The following SNX27 variants were observed in gnomAD, a reference collection of about 807,000 sequenced individuals.
SNX27 encodes sorting nexin-27.
In SNX27, 22 loss-of-function variants were observed where a neutral mutation model predicts 71.6. That is an observed-to-expected ratio of 0.31 (90% CI 0.22 to 0.44). The LOEUF is 0.44. Ranked by LOEUF, SNX27 falls within the 20% of genes least tolerant of loss-of-function variation. The pLI is 1.00. For synonymous variants in SNX27, 269 were observed against 277.2 expected, an observed-to-expected ratio of 0.97 and a Z score of 0.29; for missense variants, 531 against 698.6, an observed-to-expected ratio of 0.76 and a Z score of 2.70.
At chr1:151,633,124 A>G (rs1015374377) in intron 1 of SNX27, among the ~76,000 whole-genome samples, 3 of 151,962 alleles carry the variant, frequency 2.0e-5, no homozygotes, top group Admixed American at 1.3e-4. Context: ...TGCCCTCCTC[A>G]GCCTCCCAAA....
At chr1:151,633,426 A>T (rs1668333532) in intron 1 of SNX27, among the ~76,000 whole-genome samples, 2 of 152,040 alleles carry the variant, frequency 1.3e-5, no homozygotes, top group African/African-American at 4.8e-5. Context: ...GTCCCCAAGT[A>T]GCCAGGACTG....
In SNX27 at chr1:151,692,961, TGAA is replaced by T. The variant is rs769779788; in HGVS notation, c.1445_1447del (p.Glu482del). ...ATGAGATGCAGCGATGGGACACAGA[TGAA>T]GAAGGGATGGCCTTCTGTTTCGAAT... is the stretch of plus-strand genomic sequence containing the variant. On this transcript the variant is annotated inframe_deletion, in exon 10 of 12. Transcript: ENST00000458013. 6 of 1,614,066 alleles carry T rather than the reference TGAA, an allele frequency of 3.7e-6. No homozygotes were observed. In the African/African-American group the frequency reaches 4.0e-5, roughly 11 times the overall value.
chr1:151,668,497 TC>T lies in SNX27; in HGVS notation c.1013del (p.Pro338LeufsTer18). Reference protein sequence around the residue: ...FVRKLAPNEFPHKLYIQNYTS... With the variant: ...FVRKLAPNEFXHKLYIQNYTS... ...TACGTAAATTGGCACCTAATGAGTT[TC>T]CTCACAAACTCTACATTCAGAATTA... On this transcript the variant is annotated frameshift_variant, in exon 7 of 12. Coordinates refer to ENST00000458013, the MANE Select transcript of SNX27 (RefSeq NM_001330723.2). LOFTEE classifies it high-confidence loss of function. 6.2e-7 allele frequency: 1 copy of T among 1,612,700 alleles called. No individual in the cohort carries two copies. The highest frequency in any genetic ancestry group is 8.5e-7 in the Non-Finnish European group (1 of 1,179,558).
At chr1:151,677,933 TA>T (rs775201660) in intron 7 of SNX27, 2 of 152,208 alleles carry the variant, frequency 1.3e-5, no homozygotes, top group South Asian at 2.1e-4. Context: ...ATATTTAAAG[TA>T]TACAATTTGA....
At chr1:151,653,677 C>A (rs1247517809) in intron 2 of SNX27, among the ~76,000 whole-genome samples, 1 of 152,014 alleles carries the variant, frequency 6.6e-6, no homozygotes, top group African/African-American at 2.4e-5. Context: ...GTCATCACAT[C>A]TGGCTAATTT....
chr1:151,675,844 T>A (rs1308434551), intron 7 of SNX27: 7 of 117,596 alleles, frequency 6.0e-5, no homozygotes, highest in African/African-American at 3.2e-5. Context: ...TTTTTTTTTT[T>A]TATATAGGCT....
chr1:151,621,709 T>A (rs1280147113), intron 1 of SNX27, among the ~76,000 whole-genome samples: 1 of 152,272 alleles, frequency 6.6e-6, no homozygotes, highest in African/African-American at 2.4e-5. Context: ...ACAGTACTTT[T>A]ATATCTATGT....
intron 7 of SNX27, among the ~76,000 whole-genome samples, chr1:151,673,823 C>A (rs1020703186): frequency 6.6e-6 from 1 of 152,078 alleles, no homozygotes; most frequent in African/African-American, 2.4e-5. Context: ...TTTTGTCTTA[C>A]AATCTATTTT....
chr1:151,649,026 G>A (rs539774982), intron 2 of SNX27, among the ~76,000 whole-genome samples: 22 of 151,024 alleles, frequency 1.5e-4, no homozygotes, highest in Admixed American at 6.6e-4. Flanking sequence ...TCAGTGGTAC[G>A]ATCTCGGCTC....
chr1:151,675,723 T>G (rs1246417953), intron 7 of SNX27: 1 of 151,162 alleles, frequency 6.6e-6, no homozygotes, highest in Non-Finnish European at 1.5e-5. Flanking sequence ...TAAATGATGC[T>G]GTGATTAACT....
rs1462524628 is a variant in SNX27 at position 151,697,265 on chromosome 1, A to G, written c.*2848A>G. The G allele has an allele frequency of 6.6e-6, 1 of 152,214 alleles. No homozygotes were observed. Among genetic ancestry groups the G allele is most frequent in the African/African-American group, 2.4e-5 (1 of 41,470 alleles). The allele number at this position is 152,214 out of a possible 1,614,324, so 9.4% of individuals were successfully genotyped here. Reference sequence around the variant, plus strand: ...CCAGCTTTGTTCAAACTGTAAAAATAGCAATTTGCCCCTACTCGCTCAGAG... The same window carrying G: ...CCAGCTTTGTTCAAACTGTAAAAATGGCAATTTGCCCCTACTCGCTCAGAG... On this transcript the variant is annotated 3_prime_UTR_variant, in exon 12 of 12. Transcript: ENST00000458013.
intron 3 of SNX27, chr1:151,659,622 AT>A (rs1304802231): frequency 6.6e-6 from 1 of 152,174 alleles, no homozygotes; most frequent in Non-Finnish European, 1.5e-5. Flanking sequence ...ATGGTGAAAC[AT>A]TTGTCTAGAG....
chr1:151,624,409 T>TTATATA lies in SNX27; in HGVS notation c.311+11915_311+11920dup, dbSNP rs10577800. ...CTTTTTTTTTCTGAATAGCTTGATTTTATATATATATATATATATATATGT... is the reference window on the plus strand; with the variant it reads ...CTTTTTTTTTCTGAATAGCTTGATTTTATATATATATATATATATATATATATATGT... On this transcript the variant is annotated intron_variant, in intron 1 of 11. Coordinates refer to ENST00000458013, the MANE Select transcript of SNX27 (RefSeq NM_001330723.2). Among the ~76,000 whole-genome samples, 1,100 of 129,736 alleles carry TTATATA rather than the reference T, an allele frequency of 8.5e-3. 5 individuals are homozygous for TTATATA. The highest frequency in any genetic ancestry group is 0.021 in the East Asian group (94 of 4,574). The allele number at this position is 129,736 out of a possible 152,430, so 85.1% of individuals were successfully genotyped here.
chr1:151,666,259 A>G, intron 6 of SNX27: 1 of 318,920 alleles, frequency 3.1e-6, no homozygotes, highest in Non-Finnish European at 5.7e-6. Context: ...GGTTCTTTTA[A>G]ATCTGAGGTT....
At position 151,612,773 on chromosome 1, in the gene SNX27, C is replaced by G. The variant is rs999559041; in HGVS notation, c.311+261C>G. On this transcript the variant is annotated intron_variant, in intron 1 of 11. Transcript: ENST00000458013. The surrounding 1 kb of genome is among the most constrained non-coding windows in gnomAD (Gnocchi z 5.2). ...GCGCCCCCAGTGCTCCTCCCTGTGCCCCGATTACTCTGGGCTCTTCTCCGC... is the reference window on the plus strand; with the variant it reads ...GCGCCCCCAGTGCTCCTCCCTGTGCGCCGATTACTCTGGGCTCTTCTCCGC... Among the ~76,000 whole-genome samples the G allele has an allele frequency of 1.3e-5, 2 of 152,128 alleles. No homozygotes were observed. Among genetic ancestry groups the G allele is most frequent in the African/African-American group, 4.8e-5 (2 of 41,430 alleles).
chr1:151,694,245 T>G (rs1571883391), intron 11 of SNX27, 125 bp from the exon 12 acceptor site: 1 of 1,473,946 alleles, frequency 6.8e-7, no homozygotes, highest in African/African-American at 1.4e-5. Context: ...AGAAGTTATA[T>G]CAAGAAAGAT....
At chr1:151,653,827 GTTTTTTTTGTTTTTT>G (rs1451857053) in intron 2 of SNX27, among the ~76,000 whole-genome samples, 95 of 79,514 alleles carry the variant, frequency 1.2e-3, no homozygotes, top group African/African-American at 2.7e-3. Context: ...AGCCTGGAGA[GTTTTTTTTGTTTTTT>G]TTTTTTTTTG....
intron 1 of SNX27, among the ~76,000 whole-genome samples, chr1:151,620,457 A>G (rs557199770): frequency 6.6e-6 from 1 of 152,334 alleles, no homozygotes; most frequent in East Asian, 1.9e-4. Flanking sequence ...AGAACAACTA[A>G]GCTCTGACAC....
intron 1 of SNX27, among the ~76,000 whole-genome samples, chr1:151,621,413 C>T (rs369038347): frequency 5.3e-5 from 8 of 152,162 alleles, no homozygotes; most frequent in East Asian, 1.9e-4. Flanking sequence ...TCCACTGATA[C>T]GAAAACATCT....
Sources: gnomAD v4.1 joint callset for allele counts (sites outside exome capture counted in the v4.1 genomes callset) on GRCh38, gnomAD v4.1.1 for gene constraint, Gnocchi (gnomAD v3.1) non-coding constraint, MANE v1.5 for transcripts, NCBI Gene and HGNC (gene_info 2026-07-23, HGNC 2026-07-21) for gene names.